The following ANKRD11 variants were observed in gnomAD, a reference collection of about 807,000 sequenced individuals.
ANKRD11 encodes the protein ankyrin repeat domain-containing protein 11.
In ANKRD11, 17 loss-of-function variants were observed where a neutral mutation model predicts 195.7. The observed-to-expected ratio is 0.09, with a 90% CI of 0.06 to 0.13. ANKRD11 has a LOEUF of 0.13. ANKRD11 is among the 10% of genes least tolerant of loss of function. The pLI is 1.00. For missense variants in ANKRD11, 3,735 were observed against 3,566.1 expected (o/e 1.05, Z -1.21); for synonymous variants, 1,953 against 1,528.1 (o/e 1.28, Z -6.49).
intron 2 of ANKRD11, chr16:89,323,713 C>T (rs774990114): frequency 1.0e-5 from 3 of 287,392 alleles, no homozygotes; most frequent in Non-Finnish European, 1.4e-5. Context: ...CACACCCCTG[C>T]ACGTTCTGAA....
At position 89,388,293 on chromosome 16, in the gene ANKRD11, A is replaced by ATT. The variant is rs71134215; in HGVS notation, c.-60+29989_-60+29990dup. On this transcript the variant is annotated intron_variant, in intron 2 of 12. Transcript: ENST00000301030. Reference sequence around the variant, plus strand: ...GTGCTCTCTTCTCTCCATGAGGCTGATTTTTTTTTTTTTTTTTTTTTTGAG... The same window carrying ATT: ...GTGCTCTCTTCTCTCCATGAGGCTGATTTTTTTTTTTTTTTTTTTTTTTTGAG... 3.7e-3 allele frequency among the ~76,000 whole-genome samples: 317 copies of ATT among 85,272 alleles called. 21 individuals are homozygous for ATT. Among genetic ancestry groups the ATT allele is most frequent in the African/African-American group, 0.012 (271 of 23,344 alleles). The allele number at this position is 85,272 out of a possible 152,430, so 55.9% of individuals were successfully genotyped here.
Position 89,416,754 on chromosome 16 carries a change from ACT to A in ANKRD11, c.-60+1528_-60+1529del, listed in dbSNP as rs562674214. ...AGACAGGCCTGGACAACGTAACAAG[ACT>A]CTGTTTCTACAAAAAAAAAAAAAAA... On this transcript the variant is annotated intron_variant, in intron 2 of 12. Coordinates refer to ENST00000301030, the MANE Select transcript of ANKRD11 (RefSeq NM_013275.6). Among the ~76,000 whole-genome samples the A allele has an allele frequency of 1.5e-3, 227 of 147,070 alleles. 1 individual carries two copies. Among genetic ancestry groups the A allele is most frequent in the African/African-American group, 5.6e-3 (223 of 39,712 alleles).
intron 2 of ANKRD11, among the ~76,000 whole-genome samples, chr16:89,368,111 ACGCTAC>A (rs1422710246): frequency 6.6e-6 from 1 of 152,180 alleles, no homozygotes; most frequent in Non-Finnish European, 1.5e-5. Flanking sequence ...AGTGCTCACT[ACGCTAC>A]TCATTGGTTT....
At position 89,284,097 on chromosome 16, in the gene ANKRD11, G is replaced by A. The variant is rs750756249; in HGVS notation, c.2445C>T (p.Asp815=). ...GAAACTGATTTTTGTTACAATATTC[G>A]TCAAAAGCAGAATCTTCCCTATAAA... is the stretch of plus-strand genomic sequence containing the variant. The part of the protein sequence containing the change: ...EKVYREDSAF[D]EYCNKNQFLE... Residue 815 remains aspartate (D), a synonymous_variant, in exon 9 of 13, where the codon GAC becomes GAT. Transcript: ENST00000301030. 9.0e-5 allele frequency: 145 copies of A among 1,613,732 alleles called. No individual in the cohort carries two copies. The highest frequency in any genetic ancestry group is 4.2e-4 in the East Asian group (19 of 44,890).
At chr16:89,359,291 A>G (rs1479205539) in intron 2 of ANKRD11, among the ~76,000 whole-genome samples, 2 of 152,166 alleles carry the variant, frequency 1.3e-5, no homozygotes, top group South Asian at 4.1e-4. Context: ...TATTTTTAGT[A>G]AAGACTCCAG....
chr16:89,462,848 G>A (rs1423744740), intron 1 of ANKRD11, among the ~76,000 whole-genome samples: 1 of 151,744 alleles, frequency 6.6e-6, no homozygotes, highest in African/African-American at 2.4e-5. Context: ...ACCCCGTCTG[G>A]GAAGTGAGGA....
At chr16:89,484,949 C>T (rs1044815877) in intron 1 of ANKRD11, among the ~76,000 whole-genome samples, 4 of 152,170 alleles carry the variant, frequency 2.6e-5, no homozygotes, top group African/African-American at 4.8e-5. Flanking sequence ...AGGTCTCACC[C>T]TCCACCAGCC....
At chr16:89,273,433 G>A (rs1225366432) in intron 11 of ANKRD11, among the ~76,000 whole-genome samples, 1 of 152,182 alleles carries the variant, frequency 6.6e-6, no homozygotes. Context: ...TGGGTGCGGT[G>A]GCTCACGCCT....
chr16:89,449,763 A>T (rs1251486996), intron 1 of ANKRD11, among the ~76,000 whole-genome samples: 1 of 152,202 alleles, frequency 6.6e-6, no homozygotes, highest in Non-Finnish European at 1.5e-5. Context: ...ACTGCACTCC[A>T]GCCTGGGCAA....
intron 3 of ANKRD11, among the ~76,000 whole-genome samples, chr16:89,309,506 C>T (rs2036492450): frequency 6.6e-6 from 1 of 152,208 alleles, no homozygotes; most frequent in Admixed American, 6.5e-5. Flanking sequence ...TTTAAAAGTT[C>T]ACAAATTTCT....
At chr16:89,334,165 A>C (rs1175236355) in intron 2 of ANKRD11, among the ~76,000 whole-genome samples, 2 of 145,026 alleles carry the variant, frequency 1.4e-5, no homozygotes, top group Non-Finnish European at 3.0e-5. Context: ...AAAAAAAAAA[A>C]AAAAAAAACA....
At chr16:89,309,860 C>G (rs575098050) in intron 3 of ANKRD11, among the ~76,000 whole-genome samples, 4 of 152,354 alleles carry the variant, frequency 2.6e-5, no homozygotes, top group African/African-American at 9.6e-5. Flanking sequence ...CCACTATGCC[C>G]CAAGGACCAC....
At chr16:89,277,912 G>C (rs931324236) in intron 9 of ANKRD11, 1 of 157,496 alleles carries the variant, frequency 6.3e-6, no homozygotes, top group Non-Finnish European at 1.4e-5. Context: ...AGCACGGCGA[G>C]GGGCCTCAGG....
chr16:89,318,025 G>A (rs1365938385), intron 2 of ANKRD11, among the ~76,000 whole-genome samples: 1 of 152,148 alleles, frequency 6.6e-6, no homozygotes, highest in African/African-American at 2.4e-5. Flanking sequence ...CGAACTATTT[G>A]CTCTGCCCCG....
Position 89,274,179 on chromosome 16 carries a change from G to C in ANKRD11, c.7713+635C>G, listed in dbSNP as rs1230269052. ...AAGAGCTGCCCCAGGGAGAGCCACG[G>C]GGCCCTGGCCGCCCACATCCTATGT... On this transcript the variant is annotated intron_variant, in intron 11 of 12. Coordinates refer to ENST00000301030, the MANE Select transcript of ANKRD11 (RefSeq NM_013275.6). 2.6e-5 allele frequency among the ~76,000 whole-genome samples: 4 copies of C among 152,232 alleles called. No individual in the cohort carries two copies. The East Asian group carries it at 7.7e-4, about 29-fold the overall frequency.
rs569489756 is a variant in ANKRD11, at chr16:89,409,100, G to C, written c.-60+9184C>G. Among the ~76,000 whole-genome samples the C allele has an allele frequency of 8.3e-4, 126 of 152,310 alleles. 1 individual carries two copies. The highest frequency in any genetic ancestry group is 3.0e-3 in the African/African-American group (123 of 41,560). ...GCAGCCAAGGGAAGCTGGGGGCCCA[G>C]GCCAGTGAGCCCTGGGGCCAGGTAT... is the stretch of plus-strand genomic sequence containing the variant. On this transcript the variant is annotated intron_variant, in intron 2 of 12. Coordinates refer to ENST00000301030, the MANE Select transcript of ANKRD11 (RefSeq NM_013275.6).
At chr16:89,411,347 AC>A (rs2042103984) in intron 2 of ANKRD11, among the ~76,000 whole-genome samples, 1 of 152,218 alleles carries the variant, frequency 6.6e-6, no homozygotes, top group Non-Finnish European at 1.5e-5. Context: ...CCTTGACTGC[AC>A]CGGAAGAGGA....
At chr16:89,401,860 C>T (rs1597292197) in intron 2 of ANKRD11, among the ~76,000 whole-genome samples, 1 of 151,898 alleles carries the variant, frequency 6.6e-6, no homozygotes, top group South Asian at 2.1e-4. Flanking sequence ...ACCAGAGACT[C>T]CCCCATCCCC....
Position 89,403,463 on chromosome 16 carries a change from C to A in ANKRD11, c.-60+14821G>T, listed in dbSNP as rs530943478. ...GAGGAAGTTTCTCAGTAAGCGAGGC[C>A]CCGCGCTCTGGGAGGGCACCCCCAG... On this transcript the variant is annotated intron_variant, in intron 2 of 12. Coordinates refer to ENST00000301030, the MANE Select transcript of ANKRD11 (RefSeq NM_013275.6). 3.9e-5 allele frequency among the ~76,000 whole-genome samples: 6 copies of A among 152,200 alleles called. No homozygotes were observed. In the South Asian group the frequency reaches 1.0e-3, roughly 26 times the overall value.
Sources: gnomAD v4.1 joint callset for allele counts (sites outside exome capture counted in the v4.1 genomes callset) on GRCh38, gnomAD v4.1.1 for gene constraint, MANE v1.5 for transcripts, NCBI Gene and HGNC (gene_info 2026-07-23, HGNC 2026-07-21) for gene names.